The following RNASET2 variants were observed in gnomAD, a reference collection of about 807,000 sequenced individuals.
RNASET2 encodes the protein ribonuclease T2, also known as ribonuclease 6.
In RNASET2, 28 loss-of-function variants were observed where a neutral mutation model predicts 33.9. The ratio of observed to expected loss-of-function variants is 0.83; its 90% CI spans 0.61 to 1.13. RNASET2 has a LOEUF of 1.13. RNASET2 is among the 50% of genes most tolerant of loss of function. RNASET2 has a pLI of 0.00. For synonymous variants in RNASET2, 123 were observed against 121.0 expected, an observed-to-expected ratio of 1.02 and a Z score of -0.11; for missense variants, 330 against 319.9, an observed-to-expected ratio of 1.03 and a Z score of -0.24.
At chr6:166,939,908 AC>A (rs1778656776) in intron 5 of RNASET2, among the ~76,000 whole-genome samples, 1 of 152,272 alleles carries the variant, frequency 6.6e-6, no homozygotes, top group Non-Finnish European at 1.5e-5. Flanking sequence ...TTAAAGGTTT[AC>A]AAAAATCTTT....
Position 166,956,123 on chromosome 6 carries a change from G to T in RNASET2, c.60C>A (p.Cys20Ter). The T allele has an allele frequency of 6.4e-7, 1 of 1,552,232 alleles. No homozygotes were observed. Among genetic ancestry groups the T allele is most frequent in the Non-Finnish European group, 8.7e-7 (1 of 1,147,282 alleles). ...LLGCLCLALL[C>*]LGGADKRLRD... ...GCAGGCGCTTGTCCGCACCGCCCAG[G>T]CAAAGCAACGCCAGGCAGAGGCAGC... is the stretch of plus-strand genomic sequence containing the variant. The change falls in exon 1 of 9, where the codon TGC (cysteine) becomes TGA (stop). Residue 20 changes from cysteine (C) to a stop codon, truncating the protein, a stop_gained. Coordinates refer to ENST00000508775, the MANE Select transcript of RNASET2 (RefSeq NM_003730.6). LOFTEE classifies it high-confidence loss of function.
intron 7 of RNASET2, chr6:166,932,524 T>C (rs1778471929): frequency 6.6e-6 from 1 of 152,268 alleles, no homozygotes; most frequent in Non-Finnish European, 1.5e-5. Flanking sequence ...CAGCAACGCA[T>C]TTCCCAGGAA....
chr6:166,929,668 C>A lies in RNASET2; in HGVS notation c.691G>T (p.Gly231Trp), dbSNP rs1778371732. The change falls in exon 9 of 9, where the codon GGG becomes TGG. Residue 231 changes from glycine (G) to tryptophan (W), a missense_variant. Physicochemically the swap from Gly to Trp is radical, Grantham distance 184 (BLOSUM62 -2). Transcript: ENST00000508775. ...CTCAGACCCCGGCTCTCGGCGGCCC[C>A]ATTTGCCAGCCAGACTTCCTGCTTG... is the stretch of plus-strand genomic sequence containing the variant. ...SPKQEVWLAN[G>W]AAESRGLRVC... is the part of the protein sequence containing the mutation. 5 of 1,614,024 alleles carry A rather than the reference C, an allele frequency of 3.1e-6. No homozygotes were observed. The highest frequency in any genetic ancestry group is 2.2e-5 in the East Asian group (1 of 44,886).
chr6:166,938,399 G>C (rs952733872), intron 6 of RNASET2, among the ~76,000 whole-genome samples: 8 of 152,140 alleles, frequency 5.3e-5, no homozygotes, highest in Non-Finnish European at 1.0e-4. Flanking sequence ...CTCAAGAATA[G>C]AGGTGAGGGC....
chr6:166,940,906 A>T (rs1474156043), intron 5 of RNASET2, among the ~76,000 whole-genome samples: 1 of 152,060 alleles, frequency 6.6e-6, no homozygotes, highest in Non-Finnish European at 1.5e-5. Flanking sequence ...CTCGGCCACA[A>T]CAGGCAGCCA....
intron 4 of RNASET2, chr6:166,944,021 G>A: frequency 5.5e-6 from 1 of 182,474 alleles, no homozygotes; most frequent in South Asian, 8.5e-5. Context: ...TCAGGAGGCT[G>A]AGGCAGGAGA....
At chr6:166,937,855 C>T (rs1286016438) in intron 6 of RNASET2, among the ~76,000 whole-genome samples, 2 of 152,128 alleles carry the variant, frequency 1.3e-5, no homozygotes, top group Non-Finnish European at 1.5e-5. Flanking sequence ...TCTTGATCCC[C>T]GCTAACCGTG....
rs1778251013 is a variant in RNASET2, at chr6:166,922,603, A to G, written c.*6985T>C. 6.6e-6 allele frequency among the ~76,000 whole-genome samples: 1 copy of G among 152,218 alleles called. No homozygotes were observed. The highest frequency in any genetic ancestry group is 6.5e-5 in the Admixed American group (1 of 15,284). On this transcript the variant is annotated 3_prime_UTR_variant, in exon 9 of 9. Transcript: ENST00000508775. ...CCAATCGGGTGACATTTCAGTTTTG[A>G]TTAGTGAGGTACCAAGCCCCTGAAT...
chr6:166,943,574 G>T, intron 4 of RNASET2: 1 of 339,492 alleles, frequency 2.9e-6, no homozygotes, highest in Non-Finnish European at 5.8e-6. Flanking sequence ...TGGCTCAGGG[G>T]GTTTAGGGCC....
rs1778486719 is a variant in RNASET2 at position 166,933,141 on chromosome 6, A to G, written c.492+950T>C. The stretch of plus-strand genomic sequence containing the variant: ...CCTTTTTCTAAATCCACAACCTGTG[A>G]TAAATACGAAAACTATCTCAAAGAA... On this transcript the variant is annotated intron_variant, in intron 7 of 8. Transcript: ENST00000508775. This position sits in a 1 kb window ranked among gnomAD's most constrained non-coding sequence, Gnocchi z 4.1. 1 of 152,256 alleles carries G rather than the reference A, an allele frequency of 6.6e-6. No homozygotes were observed. The highest frequency in any genetic ancestry group is 1.5e-5 in the Non-Finnish European group (1 of 68,044). 9.4% of individuals were successfully genotyped at this position (152,256 alleles called of 1,614,324 possible). A position where few individuals can be genotyped will look rare whatever the true frequency, so the allele number is the denominator to read the frequency against.
intron 4 of RNASET2, among the ~76,000 whole-genome samples, chr6:166,945,754 C>CG (rs1427866048): frequency 6.7e-6 from 1 of 150,014 alleles, no homozygotes. Context: ...TGCTTGAACC[C>CG]GGGAGGTGGA....
At chr6:166,937,834 C>A (rs1778603991) in intron 6 of RNASET2, among the ~76,000 whole-genome samples, 1 of 152,152 alleles carries the variant, frequency 6.6e-6, no homozygotes, top group Non-Finnish European at 1.5e-5. Context: ...ACAGGGCATT[C>A]TTTGATGTAA....
intron 6 of RNASET2, among the ~76,000 whole-genome samples, chr6:166,937,183 C>G (rs1778589127): frequency 6.6e-6 from 1 of 152,114 alleles, no homozygotes; most frequent in Non-Finnish European, 1.5e-5. Context: ...TTCGCACAGG[C>G]TGGAGTGCAA....
chr6:166,947,067 C>T (rs1036269893), intron 3 of RNASET2, among the ~76,000 whole-genome samples: 6 of 152,074 alleles, frequency 3.9e-5, no homozygotes, highest in African/African-American at 1.2e-4. Context: ...GCTGGGTTGA[C>T]GGCAACCTCT....
At position 166,943,005 on chromosome 6, in the gene RNASET2, AGGCT is replaced by A; in HGVS notation, c.332+10_332+13del. The A allele has an allele frequency of 6.2e-7, 1 of 1,610,752 alleles. No homozygotes were observed. Among genetic ancestry groups the A allele is most frequent in the African/African-American group, 1.3e-5 (1 of 74,968 alleles). On this transcript the variant is annotated intron_variant, in intron 5 of 8. Coordinates refer to ENST00000508775, the MANE Select transcript of RNASET2 (RefSeq NM_003730.6). ...AGACAGTAATCAAGACAGCAATCAG[AGGCT>A]GGGACTTACCAGAAGCGGCTGCGAT...
intron 1 of RNASET2, among the ~76,000 whole-genome samples, chr6:166,955,269 A>G (rs71571468): frequency 0.26 from 22,878 of 86,740 alleles, 4,352 homozygotes; most frequent in South Asian, 0.4. Flanking sequence ...ACACACACAC[A>G]CGCGCACACA....
At chr6:166,944,263 A>G (rs1374058275) in intron 4 of RNASET2, among the ~76,000 whole-genome samples, 2 of 152,094 alleles carry the variant, frequency 1.3e-5, no homozygotes, top group African/African-American at 4.8e-5. Context: ...TTACTTTTCT[A>G]TTTCTACACA....
intron 6 of RNASET2, 139 bp downstream of exon 6, chr6:166,938,756 C>A (rs746939223): frequency 3.9e-6 from 3 of 772,258 alleles, no homozygotes; most frequent in Non-Finnish European, 7.2e-6. Context: ...AGGAATGATC[C>A]CAGTAGCCGA....
rs1430007208 is a variant in RNASET2 at position 166,929,598 on chromosome 6, G to C, written c.761C>G (p.Thr254Ser). ...GPVFYPPPKK[T>S]KH is the part of the protein sequence containing the mutation. ...TCCAAAACTTGGGCATCAATGCTTG[G>C]TCTTTTTAGGTGGGGGATAGAAGAC... is the stretch of plus-strand genomic sequence containing the variant. Residue 254 changes from threonine (T) to serine (S), a missense_variant, in exon 9 of 9, where the codon ACC (threonine) becomes AGC (serine). By Grantham distance (58) the Thr-to-Ser change is moderately conservative. Transcript: ENST00000508775. 1.2e-6 allele frequency: 2 copies of C among 1,614,062 alleles called. No individual in the cohort carries two copies. Among genetic ancestry groups the C allele is most frequent in the Admixed American group, 1.7e-5 (1 of 60,008 alleles).
Sources: gnomAD v4.1 joint callset for allele counts (sites outside exome capture counted in the v4.1 genomes callset) on GRCh38, gnomAD v4.1.1 for gene constraint, Gnocchi (gnomAD v3.1) non-coding constraint, MANE v1.5 for transcripts, NCBI Gene and HGNC (gene_info 2026-07-23, HGNC 2026-07-21) for gene names.